Variants in AMD1 observed in about 807,000 individuals in gnomAD.
The protein encoded by AMD1 is S-adenosylmethionine decarboxylase proenzyme.
AMD1 carries 11 observed loss-of-function variants against 40.2 expected under a neutral mutation model. The observed-to-expected ratio is 0.27, with a 90% CI of 0.17 to 0.45. The LOEUF is 0.45. AMD1 is among the 20% of genes least tolerant of loss of function. AMD1 has a pLI of 1.00. For synonymous variants in AMD1, 121 were observed against 130.8 expected, an observed-to-expected ratio of 0.93 and a Z score of 0.51; for missense variants, 257 against 410.2, an observed-to-expected ratio of 0.63 and a Z score of 3.23.
chr6:110,858,636 C>T, the AMD1 span: 8 of 1,371,772 alleles, frequency 5.8e-6, no homozygotes, highest in South Asian at 8.3e-5. Flanking sequence ...AAGGCCAGGA[C>T]TAAGGGGCTG....
At chr6:110,855,902 G>A in the AMD1 span, among the ~76,000 whole-genome samples, 10 of 151,936 alleles carry the variant, frequency 6.6e-5, no homozygotes, top group Admixed American at 1.3e-4. Flanking sequence ...GCAACATAGC[G>A]AGACCCCAAC....
the AMD1 span, among the ~76,000 whole-genome samples, chr6:110,838,108 G>A: frequency 1.3e-5 from 2 of 150,210 alleles, no homozygotes; most frequent in African/African-American, 4.9e-5. Flanking sequence ...AAGTTTTCTG[G>A]CCAGGCACAG....
chr6:110,843,094 C>T, the AMD1 span, among the ~76,000 whole-genome samples: 8 of 151,772 alleles, frequency 5.3e-5, no homozygotes, highest in South Asian at 2.1e-4. Flanking sequence ...GATCGGGCCA[C>T]TGCACTCCAG....
At chr6:110,836,108 A>G in the AMD1 span, among the ~76,000 whole-genome samples, 3 of 152,054 alleles carry the variant, frequency 2.0e-5, no homozygotes, top group Admixed American at 2.0e-4. Context: ...CAAAGGGAAG[A>G]TAAACCTATA....
the AMD1 span, among the ~76,000 whole-genome samples, chr6:110,854,460 T>G: frequency 6.6e-6 from 1 of 152,132 alleles, no homozygotes; most frequent in East Asian, 1.9e-4. Flanking sequence ...TCTTTCTTTT[T>G]TTTTTTGAAA....
chr6:110,887,501 A>G lies in AMD1; in HGVS notation c.111-4A>G, dbSNP rs1344661560. ...TTAATCGTAACTTTTTTGTTAAATG[A>G]TAGATCTGAGTGGGACATACTTTTG... On this transcript the variant is annotated splice_polypyrimidine_tract_variant and splice_region_variant and intron_variant, in intron 1 of 8. Coordinates refer to ENST00000368885, the MANE Select transcript of AMD1 (RefSeq NM_001634.6). 1.3e-6 allele frequency: 2 copies of G among 1,593,704 alleles called. No homozygotes were observed. The highest frequency in any genetic ancestry group is 1.4e-5 in the African/African-American group (1 of 73,958).
chr6:110,843,461 T>C, the AMD1 span, among the ~76,000 whole-genome samples: 1 of 134,962 alleles, frequency 7.4e-6, no homozygotes, highest in South Asian at 2.6e-4. Flanking sequence ...TGAAACTCCA[T>C]CTTGAAAAAA....
At chr6:110,834,660 C>T in the AMD1 span, among the ~76,000 whole-genome samples, 1 of 151,808 alleles carries the variant, frequency 6.6e-6, no homozygotes, top group Admixed American at 6.6e-5. Context: ...CCTGCATCCA[C>T]CAAAAAAAAA....
At chr6:110,863,098 C>A in the AMD1 span, among the ~76,000 whole-genome samples, 1 of 152,044 alleles carries the variant, frequency 6.6e-6, no homozygotes, top group Non-Finnish European at 1.5e-5. Flanking sequence ...GCACCCACCA[C>A]CACGCCCGGC....
the AMD1 span, among the ~76,000 whole-genome samples, chr6:110,839,551 G>A: frequency 2.0e-5 from 3 of 152,154 alleles, no homozygotes; most frequent in Admixed American, 6.6e-5. Context: ...ATCCCAGGAG[G>A]CAGAGGTTGC....
the AMD1 span, among the ~76,000 whole-genome samples, chr6:110,859,863 G>T: frequency 6.6e-6 from 1 of 152,050 alleles, no homozygotes; most frequent in Non-Finnish European, 1.5e-5. Context: ...TGTTGTTGTT[G>T]TTGTTGCCCA....
the AMD1 span, among the ~76,000 whole-genome samples, chr6:110,849,545 C>A: frequency 6.6e-6 from 1 of 152,080 alleles, no homozygotes; most frequent in Non-Finnish European, 1.5e-5. Context: ...GACAGTGGAA[C>A]AAATCACAAC....
At chr6:110,851,513 AGTC>A in the AMD1 span, among the ~76,000 whole-genome samples, 2 of 151,846 alleles carry the variant, frequency 1.3e-5, no homozygotes, top group Non-Finnish European at 2.9e-5. Flanking sequence ...CCCAGGCTGG[AGTC>A]CATTGGCACA....
the AMD1 span, among the ~76,000 whole-genome samples, chr6:110,846,624 C>A: frequency 6.6e-6 from 1 of 152,168 alleles, no homozygotes; most frequent in Non-Finnish European, 1.5e-5. Context: ...GTAATCCCAG[C>A]ACTTTGGGAG....
the AMD1 span, among the ~76,000 whole-genome samples, chr6:110,835,014 G>A: frequency 2.1e-5 from 3 of 145,156 alleles, no homozygotes; most frequent in African/African-American, 5.2e-5. Flanking sequence ...ATAATTATGC[G>A]GATACTATTT....
the AMD1 span, among the ~76,000 whole-genome samples, chr6:110,840,326 G>A: frequency 1.3e-5 from 2 of 151,944 alleles, no homozygotes; most frequent in Admixed American, 6.6e-5. Flanking sequence ...CCAGGGGTTG[G>A]GGGCTCAGTC....
the AMD1 span, chr6:110,815,337 TTCC>T: frequency 4.8e-4 from 179 of 371,744 alleles, no homozygotes; most frequent in South Asian, 8.6e-4. Context: ...CCTCCACCTC[TTCC>T]TCCTCCTCCT....
chr6:110,854,944 CAAAT>C, the AMD1 span, among the ~76,000 whole-genome samples: 5 of 151,358 alleles, frequency 3.3e-5, no homozygotes, highest in African/African-American at 1.2e-4. Flanking sequence ...TTGTGGATTT[CAAAT>C]AAATAATGCT....
At chr6:110,832,211 T>G in the AMD1 span, among the ~76,000 whole-genome samples, 2 of 151,900 alleles carry the variant, frequency 1.3e-5, no homozygotes, top group Non-Finnish European at 2.9e-5. Context: ...TTTACCATAT[T>G]GGCCAGGGTG....
Sources: allele counts gnomAD v4.1 joint callset (sites outside exome capture counted in the v4.1 genomes callset), GRCh38; gene constraint gnomAD v4.1.1; transcripts MANE v1.5; gene names NCBI Gene and HGNC (gene_info 2026-07-23, HGNC 2026-07-21).